TMEM182: variants seen among roughly 807,000 people sequenced by gnomAD.
TMEM182 encodes the protein transmembrane protein 182.
Under a neutral mutation model 26.8 loss-of-function variants are expected in TMEM182, and 20 were observed. The ratio of observed to expected loss-of-function variants is 0.75; its 90% confidence interval spans 0.53 to 1.09. TMEM182 has a LOEUF of 1.09. TMEM182 is among the 50% of genes least tolerant of loss of function. The probability of loss-of-function intolerance (pLI) is 0.00; values close to 1 mark genes in which losing one functional copy is unlikely to be tolerated. For synonymous variants in TMEM182, 109 were observed against 102.2 expected, an observed-to-expected ratio of 1.07 and a Z score of -0.40; for missense variants, 277 against 275.5, an observed-to-expected ratio of 1.01 and a Z score of -0.04.
At chr2:102,811,498 C>T (rs1157810644) in intron 4 of TMEM182, among the ~76,000 whole-genome samples, 3 of 152,136 alleles carry the variant, frequency 2.0e-5, no homozygotes, top group African/African-American at 7.2e-5. Context: ...TCAATTTTAT[C>T]CACTGGATTT....
At chr2:102,840,343 ATTGT>A (rs1174611743) in intron 3 of TMEM182, among the ~76,000 whole-genome samples, 2 of 152,160 alleles carry the variant, frequency 1.3e-5, no homozygotes, top group African/African-American at 4.8e-5. Flanking sequence ...CATTTTCCTG[ATTGT>A]TGTAACCTGG....
At chr2:102,794,037 T>C (rs551571739) in intron 3 of TMEM182, among the ~76,000 whole-genome samples, 3 of 152,060 alleles carry the variant, frequency 2.0e-5, no homozygotes, top group Non-Finnish European at 4.4e-5. Context: ...ATGACTGCAC[T>C]CCAGCCTGTA....
rs929395034 is a variant in TMEM182 at position 102,817,313 on chromosome 2, T to C, written c.*2345T>C. ...TTAGAATCTTTTTGAAAAATGTTGA[T>C]TTTGCATCATAAAGTTTCAATTTAT... On this transcript the variant is annotated 3_prime_UTR_variant, in exon 5 of 5. Transcript: ENST00000412401. The C allele has an allele frequency of 2.0e-6, 2 of 985,308 alleles. No homozygotes were observed. Among genetic ancestry groups the C allele is most frequent in the African/African-American group, 3.5e-5 (2 of 57,244 alleles). 61.0% of individuals were successfully genotyped at this position (985,308 alleles called of 1,614,324 possible).
In TMEM182 at chr2:102,764,442, T is replaced by C. The variant is rs774391276; in HGVS notation, c.331+15T>C. 95 of 1,608,976 alleles carry C rather than the reference T, an allele frequency of 5.9e-5. 1 individual carries two copies. Among genetic ancestry groups the C allele is most frequent in the Middle Eastern group, 1.6e-4 (1 of 6,068 alleles). ...CTCTGCAGTTAGTAAGTACCCTCTG[T>C]CCTCAGCCTACTTCTAAAAGGGTCT... On this transcript the variant is annotated intron_variant, in intron 3 of 4. Coordinates refer to ENST00000412401, the MANE Select transcript of TMEM182 (RefSeq NM_144632.5).
chr2:102,760,963 T>G (rs1000194982), upstream of TMEM182, among the ~76,000 whole-genome samples: 2 of 152,132 alleles, frequency 1.3e-5, no homozygotes, highest in Non-Finnish European at 2.9e-5. Flanking sequence ...TTCATCTTTA[T>G]TGAGAATCTT....
At chr2:102,835,685 T>A (rs1352376299) in intron 3 of TMEM182, among the ~76,000 whole-genome samples, 3 of 152,170 alleles carry the variant, frequency 2.0e-5, no homozygotes, top group African/African-American at 7.2e-5. Context: ...TTTCTTTTTT[T>A]AAATTTATTT....
rs1007588081 is a variant in TMEM182 at position 102,817,368 on chromosome 2, A to G, written c.*2400A>G. ...GATATCTTTTCAGTTACACTTTTAG[A>G]AAGAGTGAATAAAAAGGGCAGTGAG... is the stretch of plus-strand genomic sequence containing the variant. On this transcript the variant is annotated 3_prime_UTR_variant, in exon 5 of 5. Coordinates refer to ENST00000412401, the MANE Select transcript of TMEM182 (RefSeq NM_144632.5). The G allele has an allele frequency of 6.1e-6, 6 of 985,304 alleles. No homozygotes were observed. In the African/African-American group the frequency reaches 1.0e-4, roughly 17 times the overall value. 61.0% of individuals were successfully genotyped at this position (985,304 alleles called of 1,614,324 possible). A position where few individuals can be genotyped will look rare whatever the true frequency, so the allele number is the denominator to read the frequency against.
At chr2:102,740,429 C>A (rs932984301) in intron 1 of TMEM182, among the ~76,000 whole-genome samples, 15 of 152,240 alleles carry the variant, frequency 9.9e-5, no homozygotes, top group African/African-American at 3.6e-4. Flanking sequence ...CTGCTACACC[C>A]TGTAAAGAAG....
chr2:102,831,773 A>C (rs1436149220), intron 3 of TMEM182, among the ~76,000 whole-genome samples: 2 of 151,916 alleles, frequency 1.3e-5, no homozygotes, highest in Admixed American at 1.3e-4. Flanking sequence ...AAAAAGAAAA[A>C]GAAGAGTGAT....
At chr2:102,830,645 G>A (rs899242868) in intron 3 of TMEM182, among the ~76,000 whole-genome samples, 3 of 152,178 alleles carry the variant, frequency 2.0e-5, no homozygotes, top group African/African-American at 7.2e-5. Context: ...GCATATCATG[G>A]AGAATGGGGT....
intron 1 of TMEM182, among the ~76,000 whole-genome samples, chr2:102,754,290 C>G (rs1009720822): frequency 5.9e-5 from 9 of 152,148 alleles, no homozygotes; most frequent in Non-Finnish European, 1.3e-4. Flanking sequence ...AACACCCACT[C>G]GTGGAACCTG....
chr2:102,820,997 G>A (rs1237946848), downstream of TMEM182, among the ~76,000 whole-genome samples: 1 of 152,134 alleles, frequency 6.6e-6, no homozygotes, highest in African/African-American at 2.4e-5. Context: ...CCTGTGACAT[G>A]TCCACGTTTC....
rs757219734 is a variant in TMEM182 at position 102,814,829 on chromosome 2, A to T, written c.551A>T (p.Lys184Ile). ...VADMESYRNM[K>I]MKDCLDFTPS... ...GACATGGAAAGCTACCGAAACATGA[A>T]AATGAAGGACTGCCTGGATTTCACC... Residue 184 changes from lysine to isoleucine, a missense_variant, in exon 5 of 5, where the codon AAA becomes ATA. By Grantham distance (102) the Lys-to-Ile change is moderately radical (BLOSUM62 -3). Coordinates refer to ENST00000412401, the MANE Select transcript of TMEM182 (RefSeq NM_144632.5). 6.2e-7 allele frequency: 1 copy of T among 1,613,896 alleles called. No individual in the cohort carries two copies. Among genetic ancestry groups the T allele is most frequent in the Admixed American group, 1.7e-5 (1 of 59,930 alleles).
intron 2 of TMEM182, among the ~76,000 whole-genome samples, chr2:102,763,803 G>A (rs541770678): frequency 6.6e-6 from 1 of 152,240 alleles, no homozygotes; most frequent in South Asian, 2.1e-4. Flanking sequence ...TAAGTTCTCA[G>A]ACAACATAAA....
Position 102,764,855 on chromosome 2 carries a change from A to G in TMEM182, c.331+428A>G, listed in dbSNP as rs1188378641. Reference sequence around the variant, plus strand: ...TATAATATGTATACAATAAATATATATGATATAAATATGTAATTATGCTAC... The same window carrying G: ...TATAATATGTATACAATAAATATATGTGATATAAATATGTAATTATGCTAC... On this transcript the variant is annotated intron_variant, in intron 3 of 4. Coordinates refer to ENST00000412401, the MANE Select transcript of TMEM182 (RefSeq NM_144632.5). 2.0e-5 allele frequency among the ~76,000 whole-genome samples: 3 copies of G among 151,214 alleles called. No homozygotes were observed. In the East Asian group the frequency reaches 5.8e-4, roughly 29 times the overall value.
At chr2:102,813,568 C>T (rs1558787017) in intron 4 of TMEM182, among the ~76,000 whole-genome samples, 1 of 152,182 alleles carries the variant, frequency 6.6e-6, no homozygotes, top group African/African-American at 2.4e-5. Context: ...ATCCATCAGG[C>T]TGTGTGTGCG....
At chr2:102,840,828 CAA>C (rs1228190073) in intron 3 of TMEM182, among the ~76,000 whole-genome samples, 2 of 152,066 alleles carry the variant, frequency 1.3e-5, no homozygotes, top group East Asian at 3.9e-4. Context: ...ACATAACTGA[CAA>C]ATCTTCAATT....
chr2:102,837,578 G>A (rs1383345949), intron 3 of TMEM182, among the ~76,000 whole-genome samples: 2 of 152,150 alleles, frequency 1.3e-5, no homozygotes, highest in African/African-American at 4.8e-5. Flanking sequence ...CTGTTGTGGT[G>A]TCACCTTGAT....
At chr2:102,791,127 A>G (rs2540284) in intron 3 of TMEM182, among the ~76,000 whole-genome samples, 81,906 of 151,814 alleles carry the variant, frequency 0.54, 22,661 homozygotes, top group African/African-American at 0.65. Context: ...ATAGAAACGT[A>G]ATTTCACCAT....
Sources: gnomAD v4.1 joint callset for allele counts (sites outside exome capture counted in the v4.1 genomes callset) on GRCh38, gnomAD v4.1.1 for gene constraint, MANE v1.5 for transcripts, NCBI Gene and HGNC (gene_info 2026-07-23, HGNC 2026-07-21) for gene names.